The following CD180 variants were observed in gnomAD, a reference collection of about 807,000 sequenced individuals.
The protein encoded by CD180 is CD180 molecule.
CD180 carries 11 observed loss-of-function variants against 10.7 expected under a neutral mutation model. The observed-to-expected ratio is 1.03, with a 90% CI of 0.65 to 1.70. CD180 has a LOEUF of 1.70. Ranked by LOEUF, CD180 falls within the 40% of genes most tolerant of loss-of-function variation. CD180 has a pLI of 0.00. For synonymous variants in CD180, 286 were observed against 294.6 expected (o/e 0.97, Z 0.30); for missense variants, 729 against 775.2 (o/e 0.94, Z 0.71).
chr5:67,192,502 T>C (rs1364727557), intron 1 of CD180, among the ~76,000 whole-genome samples: 2 of 152,170 alleles, frequency 1.3e-5, no homozygotes, highest in Admixed American at 1.3e-4. Flanking sequence ...AGTGCTGGCA[T>C]CTGCTTGGCT....
intron 1 of CD180, among the ~76,000 whole-genome samples, chr5:67,188,922 G>T (rs188786901): frequency 6.6e-6 from 1 of 152,078 alleles, no homozygotes; most frequent in Non-Finnish European, 1.5e-5. Context: ...TGCACACTTC[G>T]CATTTAAAAC....
At chr5:67,189,747 A>C (rs1225761933) in intron 1 of CD180, among the ~76,000 whole-genome samples, 1 of 152,174 alleles carries the variant, frequency 6.6e-6, no homozygotes, top group African/African-American at 2.4e-5. Context: ...GACTATTGTA[A>C]TTTTTTAAGG....
At position 67,185,981 on chromosome 5, in the gene CD180, C is replaced by G. The variant is rs1404135570; in HGVS notation, c.127G>C (p.Gly43Arg). The change falls in exon 2 of 3, where the codon GGT becomes CGT. Residue 43 changes from glycine to arginine, a missense_variant. Transcript: ENST00000256447. ...AGAGTGTCAGGGATTTCACTGAGAC[C>G]TAAATTTTCACAGTTATATGTTTTG... The part of the protein sequence containing the change: ...ANKTYNCENL[G>R]LSEIPDTLPN... 1 of 1,602,126 alleles carries G rather than the reference C, an allele frequency of 6.2e-7. No individual in the cohort carries two copies. The highest frequency in any genetic ancestry group is 1.3e-5 in the African/African-American group (1 of 74,454).
rs368898682 is a variant in CD180, at chr5:67,183,429, G to A, written c.1414C>T (p.Arg472Trp). 4.6e-5 allele frequency: 75 copies of A among 1,614,184 alleles called. No homozygotes were observed. The highest frequency in any genetic ancestry group is 1.9e-4 in the African/African-American group (14 of 75,034). The stretch of plus-strand genomic sequence containing the variant: ...TGATTCCCTTTTAAGTTGAGATGCC[G>A]GAGAACTGGTAGGCCTGCTAGAAGA... Reference protein sequence around the residue: ...QHLLAGLPVLRHLNLKGNHFQ... With the variant: ...QHLLAGLPVLWHLNLKGNHFQ... Residue 472 changes from arginine (R) to tryptophan (W), a missense_variant, in exon 3 of 3, where the codon CGG (arginine) becomes TGG (tryptophan). Physicochemically the swap from Arg to Trp is moderately radical, Grantham distance 101. Coordinates refer to ENST00000256447, the MANE Select transcript of CD180 (RefSeq NM_005582.3).
intron 1 of CD180, among the ~76,000 whole-genome samples, chr5:67,189,502 C>G (rs764166901): frequency 2.6e-5 from 4 of 152,146 alleles, no homozygotes; most frequent in Non-Finnish European, 5.9e-5. Context: ...GTGGAAATGG[C>G]AATAGATCCT....
At chr5:67,187,128 A>G (rs1439734391) in intron 1 of CD180, among the ~76,000 whole-genome samples, 1 of 152,198 alleles carries the variant, frequency 6.6e-6, no homozygotes, top group Admixed American at 6.5e-5. Flanking sequence ...TTTAAAAGAA[A>G]TGTTCTTATT....
At chr5:67,192,464 AC>A (rs1319307594) in intron 1 of CD180, among the ~76,000 whole-genome samples, 17 of 152,216 alleles carry the variant, frequency 1.1e-4, no homozygotes, top group Admixed American at 1.1e-3. Context: ...TAATTGGCTC[AC>A]TGCTCTGCAG....
intron 1 of CD180, among the ~76,000 whole-genome samples, chr5:67,187,937 C>T (rs1742228656): frequency 1.3e-5 from 2 of 151,944 alleles, no homozygotes; most frequent in Non-Finnish European, 2.9e-5. Flanking sequence ...ATTGGGTGGC[C>T]GAGGTAGGCA....
intron 1 of CD180, chr5:67,191,010 C>T (rs1742294127): frequency 3.0e-6 from 3 of 985,220 alleles, no homozygotes; most frequent in Admixed American, 6.1e-5. Flanking sequence ...GGACACTGAC[C>T]TCCAACGCTT....
intron 2 of CD180, among the ~76,000 whole-genome samples, chr5:67,185,536 T>C (rs1003882860): frequency 6.6e-6 from 1 of 152,210 alleles, no homozygotes; most frequent in Non-Finnish European, 1.5e-5. Flanking sequence ...AAATAAACTA[T>C]GCCAAAATTT....
In CD180 at chr5:67,180,541, G is replaced by A. The variant is rs1317456740; in HGVS notation, c.*2316C>T. On this transcript the variant is annotated 3_prime_UTR_variant, in exon 3 of 3. Transcript: ENST00000256447. Reference sequence around the variant, plus strand: ...CAGAATCTCAGTATCTGGGGGTGAGGCCTGGGAATCCATTTTGTAAAAACT... The same window carrying A: ...CAGAATCTCAGTATCTGGGGGTGAGACCTGGGAATCCATTTTGTAAAAACT... 6.6e-6 allele frequency: 1 copy of A among 152,128 alleles called. No individual in the cohort carries two copies. The highest frequency in any genetic ancestry group is 2.4e-5 in the African/African-American group (1 of 41,414). 9.4% of individuals were successfully genotyped at this position (152,128 alleles called of 1,614,324 possible). A position where few individuals can be genotyped will look rare whatever the true frequency, so the allele number is the denominator to read the frequency against.
At position 67,196,780 on chromosome 5, in the gene CD180, T is replaced by A; in HGVS notation, c.-139A>T. 2 of 716,238 alleles carry A rather than the reference T, an allele frequency of 2.8e-6. No individual in the cohort carries two copies. The highest frequency in any genetic ancestry group is 4.3e-6 in the Non-Finnish European group (2 of 464,580). The allele number at this position is 716,238 out of a possible 1,614,324, so 44.4% of individuals were successfully genotyped here. ...TGGAACAAGAAATGCTGTTGACTGC[T>A]CAGCATTCTGTGGCTCTGTGCTGGA... On this transcript the variant is annotated 5_prime_UTR_variant, in exon 1 of 3. Coordinates refer to ENST00000256447, the MANE Select transcript of CD180 (RefSeq NM_005582.3).
chr5:67,187,338 A>G (rs180920141), intron 1 of CD180, among the ~76,000 whole-genome samples: 1 of 152,346 alleles, frequency 6.6e-6, no homozygotes, highest in Non-Finnish European at 1.5e-5. Flanking sequence ...AGTGCTTAAA[A>G]AAACTAGCAG....
intron 1 of CD180, among the ~76,000 whole-genome samples, chr5:67,192,701 G>A (rs879626789): frequency 3.1e-4 from 47 of 151,962 alleles, no homozygotes; most frequent in African/African-American, 1.0e-3. Context: ...GCCCCCACAC[G>A]CCTCCCACCA....
Position 67,184,430 on chromosome 5 carries a change from G to C in CD180, c.413C>G (p.Ser138Cys), listed in dbSNP as rs138790017. Residue 138 changes from serine to cysteine, a missense_variant, in exon 3 of 3, where the codon TCC becomes TGC. Transcript: ENST00000256447. ...GTGCACTGGAATAAACTCGAGATTGGATATTCCCGTTTGGATTAAGAAAAG... is the reference window on the plus strand; with the variant it reads ...GTGCACTGGAATAAACTCGAGATTGCATATTCCCGTTTGGATTAAGAAAAG... ...KHLFLIQTGI[S>C]NLEFIPVHNL... is the part of the protein sequence containing the mutation. The C allele has an allele frequency of 8.4e-5, 136 of 1,613,968 alleles. No homozygotes were observed. Among genetic ancestry groups the C allele is most frequent in the Middle Eastern group, 4.9e-4 (3 of 6,084 alleles).
chr5:67,196,652 G>A lies in CD180; in HGVS notation c.-11C>T. 4 of 1,613,924 alleles carry A rather than the reference G, an allele frequency of 2.5e-6. No individual in the cohort carries two copies. Among genetic ancestry groups the A allele is most frequent in the Non-Finnish European group, 3.4e-6 (4 of 1,179,926 alleles). On this transcript the variant is annotated 5_prime_UTR_variant, in exon 1 of 3. Coordinates refer to ENST00000256447, the MANE Select transcript of CD180 (RefSeq NM_005582.3). ...GACGTCAAACGCCATCACAGGCTAG[G>A]ATTGCTTGGTGGGTTTACCTAATGC...
chr5:67,187,062 T>C (rs1352383733), intron 1 of CD180, among the ~76,000 whole-genome samples: 1 of 152,226 alleles, frequency 6.6e-6, no homozygotes, highest in Non-Finnish European at 1.5e-5. Flanking sequence ...ATGAGGACAG[T>C]ATTCAATGAT....
chr5:67,183,543 T>A lies in CD180; in HGVS notation c.1300A>T (p.Ile434Phe), dbSNP rs1561233472. Residue 434 changes from isoleucine to phenylalanine, a missense_variant, in exon 3 of 3, where the codon ATT becomes TTT. Coordinates refer to ENST00000256447, the MANE Select transcript of CD180 (RefSeq NM_005582.3). ...TGGAAGGGACTTTGTGGAGCATTAA[T>A]GTGTAAGCGGGTAAATGCCAAATCG... ...LLDLAFTRLH[I>F]NAPQSPFQNL... 1 of 1,614,176 alleles carries A rather than the reference T, an allele frequency of 6.2e-7. No individual in the cohort carries two copies.
chr5:67,190,049 A>T (rs1002624777), intron 1 of CD180, among the ~76,000 whole-genome samples: 3 of 152,118 alleles, frequency 2.0e-5, no homozygotes, highest in Non-Finnish European at 2.9e-5. Context: ...TTTAGTTGTT[A>T]TATCTCCTTA....
Sources: allele counts gnomAD v4.1 joint callset (sites outside exome capture counted in the v4.1 genomes callset), GRCh38; gene constraint gnomAD v4.1.1; transcripts MANE v1.5; gene names NCBI Gene and HGNC (gene_info 2026-07-23, HGNC 2026-07-21).